The following FGF14 variants were observed in gnomAD, a reference collection of about 807,000 sequenced individuals.
FGF14 encodes the protein fibroblast growth factor homologous factor 4.
Under a neutral mutation model 25.5 loss-of-function variants are expected in FGF14, and 5 were observed. That is an observed-to-expected ratio of 0.20 (90% CI 0.10 to 0.41). FGF14 has a LOEUF of 0.41. Among genes scored for constraint, FGF14 ranks in the 10% least tolerant of loss-of-function variants. FGF14 has a pLI of 1.00. For synonymous variants in FGF14, 138 were observed against 118.3 expected (o/e 1.17, Z -1.08); for missense variants, 222 against 320.1 (o/e 0.69, Z 2.34).
intron 1 of FGF14, among the ~76,000 whole-genome samples, chr13:101,966,857 G>A (rs1055509811): frequency 3.9e-5 from 6 of 152,112 alleles, no homozygotes; most frequent in South Asian, 2.1e-4. Flanking sequence ...CAGAAGGATC[G>A]TGAGACAGTT....
intron 3 of FGF14, among the ~76,000 whole-genome samples, chr13:101,773,512 A>G (rs2038907311): frequency 6.6e-6 from 1 of 152,120 alleles, no homozygotes; most frequent in African/African-American, 2.4e-5. Flanking sequence ...ATGATAAAAT[A>G]AGAGTTCAAA....
chr13:101,903,332 T>G (rs1212918951), intron 1 of FGF14, among the ~76,000 whole-genome samples: 1 of 152,146 alleles, frequency 6.6e-6, no homozygotes, highest in Non-Finnish European at 1.5e-5. Context: ...TGAAGCTTTA[T>G]TCTCTTTAAA....
At chr13:102,060,379 A>G (rs1419912062) in intron 1 of FGF14, among the ~76,000 whole-genome samples, 2 of 152,174 alleles carry the variant, frequency 1.3e-5, no homozygotes, top group Non-Finnish European at 2.9e-5. Flanking sequence ...CAAAAAAATT[A>G]GCCGGGCATG....
intron 1 of FGF14, among the ~76,000 whole-genome samples, chr13:101,977,344 T>A (rs767803642): frequency 1.3e-4 from 20 of 150,850 alleles, no homozygotes; most frequent in Non-Finnish European, 2.5e-4. Context: ...GAAAAAAAAA[T>A]GATTTTTTCC....
intron 3 of FGF14, among the ~76,000 whole-genome samples, chr13:101,868,112 A>C (rs2044828607): frequency 6.6e-6 from 1 of 152,182 alleles, no homozygotes; most frequent in Admixed American, 6.6e-5. Flanking sequence ...TTAAGTCTTT[A>C]CTGCTTAAAC....
At chr13:101,961,264 T>C (rs563957153) in intron 1 of FGF14, among the ~76,000 whole-genome samples, 24 of 151,874 alleles carry the variant, frequency 1.6e-4, no homozygotes, top group Admixed American at 4.0e-4. Flanking sequence ...TCTTTGTCCA[T>C]GCATATGTCC....
intron 4 of FGF14, among the ~76,000 whole-genome samples, chr13:101,726,238 A>G (rs1020137958): frequency 3.9e-5 from 6 of 152,086 alleles, no homozygotes; most frequent in African/African-American, 1.2e-4. Flanking sequence ...TTTTTCTAAT[A>G]TACTTATTAT....
At chr13:102,334,237 G>C (rs932420538) in intron 1 of FGF14, among the ~76,000 whole-genome samples, 6 of 152,072 alleles carry the variant, frequency 3.9e-5, no homozygotes, top group African/African-American at 1.4e-4. Flanking sequence ...TATTTCCCTA[G>C]GCAAATGTTA....
intron 1 of FGF14, among the ~76,000 whole-genome samples, chr13:102,157,002 A>G (rs1419500492): frequency 6.6e-6 from 1 of 152,192 alleles, no homozygotes; most frequent in Non-Finnish European, 1.5e-5. Flanking sequence ...TGAATGAAAT[A>G]AAAGATGACA....
intron 1 of FGF14, among the ~76,000 whole-genome samples, chr13:102,122,395 C>T (rs1238897314): frequency 6.6e-6 from 1 of 152,186 alleles, no homozygotes; most frequent in East Asian, 1.9e-4. Context: ...CTTGACCTTT[C>T]ATCTCACAGC....
In FGF14 at chr13:102,119,264, T is replaced by C. The variant is rs554050980; in HGVS notation, c.209-243968A>G. 3.3e-5 allele frequency among the ~76,000 whole-genome samples: 5 copies of C among 152,224 alleles called. 1 individual carries two copies. The highest frequency in any genetic ancestry group is 1.2e-4 in the African/African-American group (5 of 41,532). ...ACAAACTAGCCAATACTTTGAAAAA[T>C]CACTCAGATCTATCCTGAACACAGG... On this transcript the variant is annotated intron_variant, in intron 1 of 4. Transcript: ENST00000376131.
intron 1 of FGF14, among the ~76,000 whole-genome samples, chr13:101,954,716 G>C (rs1009400890): frequency 4.6e-4 from 70 of 152,284 alleles, no homozygotes; most frequent in African/African-American, 1.7e-3. Context: ...GTGTGTGTGT[G>C]TGTGTGCTTG....
chr13:101,896,504 C>G (rs2030696938), intron 1 of FGF14, among the ~76,000 whole-genome samples: 1 of 152,166 alleles, frequency 6.6e-6, no homozygotes, highest in African/African-American at 2.4e-5. Context: ...GTGACTCCAA[C>G]TCCGCAATGG....
intron 3 of FGF14, among the ~76,000 whole-genome samples, chr13:101,836,626 C>T (rs960378419): frequency 3.9e-5 from 6 of 151,994 alleles, no homozygotes; most frequent in South Asian, 2.1e-4. Context: ...ATATTTTGCA[C>T]GTATTTATCT....
At chr13:102,297,480 ATACT>A (rs1260673541) in intron 1 of FGF14, among the ~76,000 whole-genome samples, 1 of 152,178 alleles carries the variant, frequency 6.6e-6, no homozygotes, top group East Asian at 1.9e-4. Flanking sequence ...CAAATGTAAC[ATACT>A]TACATAAGAG....
chr13:101,926,762 T>C (rs1462807119), intron 1 of FGF14, among the ~76,000 whole-genome samples: 1 of 152,202 alleles, frequency 6.6e-6, no homozygotes, highest in African/African-American at 2.4e-5. Context: ...AAGTCTTTTT[T>C]CCCCATTCCA....
chr13:102,156,817 A>G (rs1206601821), intron 1 of FGF14, among the ~76,000 whole-genome samples: 1 of 152,218 alleles, frequency 6.6e-6, no homozygotes. Flanking sequence ...GCAAAGTCTC[A>G]GGATACAAAA....
intron 3 of FGF14, among the ~76,000 whole-genome samples, chr13:101,730,053 A>G (rs1238639081): frequency 6.6e-6 from 1 of 152,186 alleles, no homozygotes; most frequent in East Asian, 1.9e-4. Context: ...AGATGGGAAG[A>G]TAGGTTTGAG....
At chr13:102,355,854 C>T (rs962818816) in intron 1 of FGF14, among the ~76,000 whole-genome samples, 3 of 151,930 alleles carry the variant, frequency 2.0e-5, no homozygotes, top group Admixed American at 1.3e-4. Flanking sequence ...CATATAAATT[C>T]AACAAAATAA....
Sources: allele counts gnomAD v4.1 joint callset (sites outside exome capture counted in the v4.1 genomes callset), GRCh38; gene constraint gnomAD v4.1.1; transcripts MANE v1.5; gene names NCBI Gene and HGNC (gene_info 2026-07-23, HGNC 2026-07-21).